THEMIS: variants seen among roughly 807,000 people sequenced by gnomAD.
THEMIS encodes protein THEMIS.
THEMIS carries 37 observed loss-of-function variants against 52.6 expected under a neutral mutation model. The ratio of observed to expected loss-of-function variants is 0.70; its 90% confidence interval spans 0.54 to 0.93. The LOEUF (loss-of-function observed/expected upper bound fraction) is 0.93, where lower values mean the gene tolerates loss of function less well. Ranked by LOEUF, THEMIS falls within the 40% of genes least tolerant of loss-of-function variation. The pLI is 0.00. For synonymous variants in THEMIS, 292 were observed against 272.7 expected (o/e 1.07, Z -0.70); for missense variants, 808 against 763.1 (o/e 1.06, Z -0.69).
intron 4 of THEMIS, among the ~76,000 whole-genome samples, chr6:127,751,030 A>G (rs1392725398): frequency 6.6e-6 from 1 of 151,816 alleles, no homozygotes; most frequent in African/African-American, 2.4e-5. Flanking sequence ...ACAGTATTAA[A>G]CTCACTGGTA....
At chr6:127,799,218 T>C (rs1239169178) in intron 4 of THEMIS, among the ~76,000 whole-genome samples, 7 of 152,180 alleles carry the variant, frequency 4.6e-5, no homozygotes, top group African/African-American at 1.4e-4. Flanking sequence ...AGATTTTCTT[T>C]TTAGAATTAT....
intron 1 of THEMIS, among the ~76,000 whole-genome samples, chr6:127,900,418 G>C (rs1056862219): frequency 5.9e-5 from 9 of 151,970 alleles, no homozygotes; most frequent in Non-Finnish European, 1.3e-4. Context: ...CTAAAAGTTT[G>C]GGAAATATTT....
At chr6:127,887,684 G>T (rs1780687414) in intron 1 of THEMIS, among the ~76,000 whole-genome samples, 1 of 152,088 alleles carries the variant, frequency 6.6e-6, no homozygotes, top group Non-Finnish European at 1.5e-5. Flanking sequence ...ATCAGTTGTT[G>T]CCTAGGGCTA....
rs1359240718 is a variant in THEMIS at position 127,829,541 on chromosome 6, A to G, written c.644T>C (p.Phe215Ser). Residue 215 changes from phenylalanine (F) to serine (S), a missense_variant, in exon 3 of 6, where the codon TTT (phenylalanine) becomes TCT (serine). Physicochemically the swap from Phe to Ser is radical, Grantham distance 155. Coordinates refer to ENST00000368248, the MANE Select transcript of THEMIS (RefSeq NM_001010923.3). ...FSNKWDSTNP[F>S]PKDFYGTLIL... ...CAGGGTACCATAAAAGTCTTTAGGAAATGGATTCGTTGAGTCCCACTTATT... is the reference window on the plus strand; with the variant it reads ...CAGGGTACCATAAAAGTCTTTAGGAGATGGATTCGTTGAGTCCCACTTATT... 2 of 1,613,788 alleles carry G rather than the reference A, an allele frequency of 1.2e-6. No individual in the cohort carries two copies. Among genetic ancestry groups the G allele is most frequent in the Admixed American group, 3.3e-5 (2 of 59,974 alleles).
intron 4 of THEMIS, among the ~76,000 whole-genome samples, chr6:127,805,553 C>A (rs9491875): frequency 6.6e-6 from 1 of 151,848 alleles, no homozygotes; most frequent in East Asian, 1.9e-4. Context: ...TTTCTTCTTA[C>A]GTTTTTTACT....
chr6:127,702,550 C>T, the THEMIS span, among the ~76,000 whole-genome samples: 1 of 151,256 alleles, frequency 6.6e-6, no homozygotes, highest in African/African-American at 2.4e-5. Context: ...TCTTTTCTTG[C>T]TGCATTCTGG....
At chr6:127,868,546 G>T in intron 1 of THEMIS, 1 of 881,116 alleles carries the variant, frequency 1.1e-6, no homozygotes, top group Non-Finnish European at 1.4e-6. Context: ...ATTTCTCATT[G>T]CTTAAAGTGA....
At chr6:127,854,911 T>TC (rs952770010) in intron 2 of THEMIS, 119 bp downstream of exon 2, 94 of 806,248 alleles carry the variant, frequency 1.2e-4, no homozygotes, top group Middle Eastern at 8.0e-4. Flanking sequence ...TTCCGGATTT[T>TC]CCCCCCCATT....
chr6:127,776,804 G>A (rs1452198907), intron 4 of THEMIS, among the ~76,000 whole-genome samples: 1 of 152,024 alleles, frequency 6.6e-6, no homozygotes, highest in African/African-American at 2.4e-5. Context: ...CTGTTTATTT[G>A]TTTACATTAA....
intron 1 of THEMIS, among the ~76,000 whole-genome samples, chr6:127,894,512 C>T (rs548510355): frequency 1.4e-4 from 21 of 151,790 alleles, no homozygotes; most frequent in Admixed American, 3.3e-4. Flanking sequence ...GTTAAAAATA[C>T]TTAGAAAAAA....
intron 2 of THEMIS, among the ~76,000 whole-genome samples, chr6:127,836,087 T>G (rs984849749): frequency 1.3e-5 from 2 of 152,098 alleles, no homozygotes. Flanking sequence ...TTTGAAAAAG[T>G]GTTTTATTCA....
intron 5 of THEMIS, among the ~76,000 whole-genome samples, chr6:127,713,780 G>A (rs1774064300): frequency 6.6e-6 from 1 of 151,726 alleles, no homozygotes; most frequent in Non-Finnish European, 1.5e-5. Flanking sequence ...CAGCTATGAG[G>A]CCAACATATC....
chr6:127,833,622 T>C (rs1241186148), intron 2 of THEMIS, among the ~76,000 whole-genome samples: 1 of 152,110 alleles, frequency 6.6e-6, no homozygotes, highest in Non-Finnish European at 1.5e-5. Flanking sequence ...TCTCTTTACA[T>C]GGATCAGCCT....
chr6:127,713,909 T>C (rs901360267), intron 5 of THEMIS, among the ~76,000 whole-genome samples: 3 of 151,808 alleles, frequency 2.0e-5, no homozygotes, highest in Non-Finnish European at 4.4e-5. Flanking sequence ...GAATGGACAC[T>C]ATGGGCCATG....
At chr6:127,783,522 C>A (rs528724097) in intron 4 of THEMIS, among the ~76,000 whole-genome samples, 22 of 152,186 alleles carry the variant, frequency 1.4e-4, no homozygotes, top group Non-Finnish European at 2.9e-4. Flanking sequence ...CTACAAGGAA[C>A]TTAAACAAAT....
At position 127,813,188 on chromosome 6, in the gene THEMIS, T is replaced by C. The variant is rs914569544; in HGVS notation, c.1453A>G (p.Ile485Val). The C allele has an allele frequency of 1.2e-6, 2 of 1,613,980 alleles. No homozygotes were observed. The highest frequency in any genetic ancestry group is 1.3e-5 in the African/African-American group (1 of 74,920). ...CTTATGAGTAGGTAAGAGTCTGTAATGTCCTCCTCCAACTGCAGTCCTGGT... is the reference window on the plus strand; with the variant it reads ...CTTATGAGTAGGTAAGAGTCTGTAACGTCCTCCTCCAACTGCAGTCCTGGT... Reference protein sequence around the residue: ...ATPGLQLEEDITDSYLLISDF... With the variant: ...ATPGLQLEEDVTDSYLLISDF... The change falls in exon 4 of 6, where the codon ATT (isoleucine) becomes GTT (valine). Residue 485 changes from isoleucine to valine, a missense_variant. Coordinates refer to ENST00000368248, the MANE Select transcript of THEMIS (RefSeq NM_001010923.3).
chr6:127,888,861 T>C (rs1424292839), intron 1 of THEMIS, among the ~76,000 whole-genome samples: 1 of 152,120 alleles, frequency 6.6e-6, no homozygotes, highest in African/African-American at 2.4e-5. Context: ...GTAGCATTAT[T>C]ACCCAAGTAA....
rs373253093 is a variant in THEMIS, at chr6:127,719,713, G to T, written c.1869C>A (p.Ser623Arg). The change falls in exon 5 of 6, where the codon AGC (serine) becomes AGA (arginine). Residue 623 changes from serine to arginine, a missense_variant. By Grantham distance (110) the Ser-to-Arg change is moderately radical. Coordinates refer to ENST00000368248, the MANE Select transcript of THEMIS (RefSeq NM_001010923.3). ...CTGCTATTGCTGTGGCCCCACGGTT[G>T]CTCCTTTCTTTCTCTTCATCCACCA... is the stretch of plus-strand genomic sequence containing the variant. ...NDLVDEEKER[S>R]NRGATAIAET... 2.5e-6 allele frequency: 4 copies of T among 1,611,668 alleles called. No homozygotes were observed. Among genetic ancestry groups the T allele is most frequent in the Non-Finnish European group, 3.4e-6 (4 of 1,178,760 alleles).
chr6:127,717,144 C>G lies in THEMIS; in HGVS notation c.1894+2544G>C, dbSNP rs554267231. 5.3e-5 allele frequency among the ~76,000 whole-genome samples: 8 copies of G among 151,820 alleles called. No individual in the cohort carries two copies. In the South Asian group the frequency reaches 1.5e-3, roughly 28 times the overall value. On this transcript the variant is annotated intron_variant, in intron 5 of 5. Transcript: ENST00000368248. ...GTAGTTAATTATTATAGCCTGACTT[C>G]ATTGTAGCTTATTATGTACTCTACT...
Sources: gnomAD v4.1 joint callset for allele counts (sites outside exome capture counted in the v4.1 genomes callset) on GRCh38, gnomAD v4.1.1 for gene constraint, MANE v1.5 for transcripts, NCBI Gene and HGNC (gene_info 2026-07-23, HGNC 2026-07-21) for gene names.